Variants in CDH13 observed in about 807,000 individuals in gnomAD.
The protein encoded by CDH13 is cadherin 13.
Under a neutral mutation model 63.8 loss-of-function variants are expected in CDH13, and 24 were observed. That is an observed-to-expected ratio of 0.38 (90% CI 0.27 to 0.53). The LOEUF is 0.53. CDH13 is among the 20% of genes least tolerant of loss of function. The pLI is 0.85. For missense variants in CDH13, 1,049 were observed against 903.1 expected, an observed-to-expected ratio of 1.16 and a Z score of -2.07; for synonymous variants, 503 against 355.3, an observed-to-expected ratio of 1.42 and a Z score of -4.67.
intron 5 of CDH13, among the ~76,000 whole-genome samples, chr16:83,240,721 T>TTC (rs1400730516): frequency 7.6e-4 from 43 of 56,436 alleles, no homozygotes; most frequent in South Asian, 2.7e-3. Context: ...CTTAATCTTT[T>TTC]TTTTTTTTTT....
intron 6 of CDH13, among the ~76,000 whole-genome samples, chr16:83,366,902 A>G (rs28482055): frequency 0.31 from 47,826 of 151,996 alleles, 7,756 homozygotes; most frequent in Middle Eastern, 0.44. Context: ...AGCCAACAGT[A>G]TGTTTAATAC....
chr16:83,643,678 A>G (rs1453395802), intron 8 of CDH13, among the ~76,000 whole-genome samples: 1 of 152,194 alleles, frequency 6.6e-6, no homozygotes, highest in African/African-American at 2.4e-5. Context: ...CATAATGTTT[A>G]GTAATCCAAG....
At chr16:82,639,779 C>T (rs957195358) in intron 1 of CDH13, among the ~76,000 whole-genome samples, 6 of 152,144 alleles carry the variant, frequency 3.9e-5, no homozygotes, top group Admixed American at 2.6e-4. Context: ...TTATTATGTA[C>T]CCAGCTCCAT....
At chr16:82,656,251 G>A (rs551363713) in intron 1 of CDH13, among the ~76,000 whole-genome samples, 1 of 152,074 alleles carries the variant, frequency 6.6e-6, no homozygotes, top group Admixed American at 6.6e-5. Context: ...GAGAATGGCA[G>A]CTGGCTCAGT....
intron 5 of CDH13, among the ~76,000 whole-genome samples, chr16:83,338,662 T>C (rs989524406): frequency 2.0e-5 from 3 of 152,282 alleles, no homozygotes; most frequent in East Asian, 3.9e-4. Context: ...CTTCTTGATA[T>C]TTGGGCCAAG....
intron 4 of CDH13, among the ~76,000 whole-genome samples, chr16:83,166,395 A>G (rs910990830): frequency 2.0e-5 from 3 of 152,098 alleles, no homozygotes; most frequent in Non-Finnish European, 4.4e-5. Flanking sequence ...TTGGGCTAAG[A>G]TGAGAGAGGG....
intron 6 of CDH13, among the ~76,000 whole-genome samples, chr16:83,345,942 A>T (rs924978379): frequency 3.0e-4 from 46 of 152,118 alleles, no homozygotes; most frequent in African/African-American, 1.1e-3. Flanking sequence ...AATTGATGGG[A>T]TCTATCAGTG....
chr16:82,752,924 A>G (rs967107206), intron 1 of CDH13, among the ~76,000 whole-genome samples: 1 of 152,262 alleles, frequency 6.6e-6, no homozygotes, highest in East Asian at 1.9e-4. Context: ...CAGATATAAT[A>G]GATAAATAAT....
intron 2 of CDH13, chr16:82,990,001 G>C (rs1911457943): frequency 6.6e-6 from 1 of 151,806 alleles, no homozygotes. Context: ...GTTTTTTGAA[G>C]CCCAGAGGCT....
intron 6 of CDH13, among the ~76,000 whole-genome samples, chr16:83,424,255 T>TGAA (rs964778752): frequency 1.3e-5 from 2 of 149,398 alleles, no homozygotes; most frequent in African/African-American, 4.8e-5. Context: ...CAACATGGAC[T>TGAA]GGACAGTCTA....
chr16:82,732,125 A>G (rs1348768547), intron 1 of CDH13, among the ~76,000 whole-genome samples: 1 of 152,174 alleles, frequency 6.6e-6, no homozygotes, highest in Admixed American at 6.5e-5. Flanking sequence ...TTAAATGATG[A>G]ATTATGTGCT....
intron 6 of CDH13, among the ~76,000 whole-genome samples, chr16:83,364,435 A>T (rs1169488729): frequency 6.6e-6 from 1 of 152,202 alleles, no homozygotes; most frequent in Non-Finnish European, 1.5e-5. Flanking sequence ...TAGATAAAGG[A>T]GTTCTCATTT....
At chr16:83,598,246 T>G (rs1907457955) in intron 7 of CDH13, among the ~76,000 whole-genome samples, 1 of 152,040 alleles carries the variant, frequency 6.6e-6, no homozygotes, top group Non-Finnish European at 1.5e-5. Flanking sequence ...GTGATTATAG[T>G]CCCAGCTACT....
At chr16:82,669,189 G>T (rs1912953219) in intron 1 of CDH13, among the ~76,000 whole-genome samples, 1 of 152,188 alleles carries the variant, frequency 6.6e-6, no homozygotes, top group South Asian at 2.1e-4. Flanking sequence ...ACCTCTTGAG[G>T]ACACCATTCC....
chr16:83,373,839 A>C (rs1398843409), intron 6 of CDH13, among the ~76,000 whole-genome samples: 1 of 152,156 alleles, frequency 6.6e-6, no homozygotes, highest in Admixed American at 6.5e-5. Context: ...CTGATCTGGA[A>C]GGCGTGAGTC....
intron 5 of CDH13, among the ~76,000 whole-genome samples, chr16:83,316,311 C>G (rs763703558): frequency 8.5e-5 from 13 of 152,208 alleles, no homozygotes; most frequent in African/African-American, 1.2e-4. Context: ...CACATACACA[C>G]ACATACTGAA....
intron 6 of CDH13, among the ~76,000 whole-genome samples, chr16:83,456,240 C>T (rs1046038749): frequency 1.3e-5 from 2 of 152,178 alleles, no homozygotes; most frequent in Admixed American, 6.5e-5. Context: ...ATAAGGATGT[C>T]GGGATGTGGC....
Position 83,796,129 on chromosome 16 carries a change from C to T in CDH13, c.*1099C>T, listed in dbSNP as rs1452869658. The T allele has an allele frequency of 1.3e-5, 2 of 152,612 alleles. No individual in the cohort carries two copies. Among genetic ancestry groups the T allele is most frequent in the African/African-American group, 4.8e-5 (2 of 41,456 alleles). The allele number at this position is 152,612 out of a possible 1,614,324, so 9.5% of individuals were successfully genotyped here. A position where few individuals can be genotyped will look rare whatever the true frequency, so the allele number is the denominator to read the frequency against. Reference sequence around the variant, plus strand: ...TGTTTGCAAACCCGAAAATAAAAGACGTTCATTATGTATGAAAAGTAACTG... The same window carrying T: ...TGTTTGCAAACCCGAAAATAAAAGATGTTCATTATGTATGAAAAGTAACTG... On this transcript the variant is annotated 3_prime_UTR_variant, in exon 14 of 14. Coordinates refer to ENST00000567109, the MANE Select transcript of CDH13 (RefSeq NM_001257.5).
chr16:83,664,607 G>A (rs948688324), intron 8 of CDH13, among the ~76,000 whole-genome samples: 5 of 151,584 alleles, frequency 3.3e-5, no homozygotes, highest in Non-Finnish European at 5.9e-5. Flanking sequence ...GAATGAAAAT[G>A]TTCTCATACG....
Sources: allele counts gnomAD v4.1 joint callset (sites outside exome capture counted in the v4.1 genomes callset), GRCh38; gene constraint gnomAD v4.1.1; transcripts MANE v1.5; gene names NCBI Gene and HGNC (gene_info 2026-07-23, HGNC 2026-07-21).